The following SYT9 variants were observed in gnomAD, a reference collection of about 807,000 sequenced individuals.
SYT9 encodes synaptotagmin-9.
SYT9 carries 22 observed loss-of-function variants against 48.4 expected under a neutral mutation model. The ratio of observed to expected loss-of-function variants is 0.45; its 90% CI spans 0.32 to 0.65. The LOEUF (loss-of-function observed/expected upper bound fraction) is 0.65, where lower values mean the gene tolerates loss of function less well. Ranked by LOEUF, SYT9 falls within the 30% of genes least tolerant of loss-of-function variation. The probability of loss-of-function intolerance (pLI) is 0.03; values close to 1 mark genes in which losing one functional copy is unlikely to be tolerated. For synonymous variants in SYT9, 265 were observed against 245.0 expected (o/e 1.08, Z -0.76); for missense variants, 577 against 622.0 (o/e 0.93, Z 0.77).
intron 3 of SYT9, among the ~76,000 whole-genome samples, chr11:7,385,471 T>G (rs1850641117): frequency 1.3e-5 from 2 of 151,936 alleles, no homozygotes; most frequent in South Asian, 4.2e-4. Flanking sequence ...GGACAACATT[T>G]TAGGACAAAG....
intron 1 of SYT9, among the ~76,000 whole-genome samples, chr11:7,239,857 G>A (rs1847723203): frequency 6.6e-6 from 1 of 152,148 alleles, no homozygotes; most frequent in South Asian, 2.1e-4. Flanking sequence ...AAGAAATGTT[G>A]GGTAGAAACA....
At chr11:7,365,951 C>T (rs1378883035) in intron 3 of SYT9, among the ~76,000 whole-genome samples, 1 of 152,202 alleles carries the variant, frequency 6.6e-6, no homozygotes, top group East Asian at 1.9e-4. Context: ...TGATCTCTGA[C>T]CCCTGTTCTG....
At chr11:7,248,077 A>G (rs547793851), upstream of SYT9, among the ~76,000 whole-genome samples, 20 of 152,256 alleles carry the variant, frequency 1.3e-4, no homozygotes, top group African/African-American at 4.6e-4. Context: ...CCTGTTCATT[A>G]GTATGTTGAC....
intron 2 of SYT9, among the ~76,000 whole-genome samples, chr11:7,311,311 A>G (rs899735332): frequency 2.0e-5 from 3 of 152,236 alleles, no homozygotes; most frequent in Admixed American, 2.0e-4. Context: ...CTAAAAAACT[A>G]AAAAACAAAC....
chr11:7,288,463 C>T (rs935483215), intron 1 of SYT9, among the ~76,000 whole-genome samples: 3 of 152,140 alleles, frequency 2.0e-5, no homozygotes, highest in Admixed American at 1.3e-4. Context: ...ACTTCATGCC[C>T]TTTTGGGCCT....
At position 7,412,913 on chromosome 11, in the gene SYT9, A is replaced by G. The variant is rs1215046434; in HGVS notation, c.1045-3129A>G. Among the ~76,000 whole-genome samples, 4 of 152,314 alleles carry G rather than the reference A, an allele frequency of 2.6e-5. No individual in the cohort carries two copies. The East Asian group carries it at 7.7e-4, about 29-fold the overall frequency. ...CTGGGAAGAGTGCACATGTGCCAACAGTAGTGGACTAGGCTGGGTGATTTC... is the reference window on the plus strand; with the variant it reads ...CTGGGAAGAGTGCACATGTGCCAACGGTAGTGGACTAGGCTGGGTGATTTC... On this transcript the variant is annotated intron_variant, in intron 3 of 6. Transcript: ENST00000318881.
At chr11:7,402,186 A>T (rs770833276) in intron 3 of SYT9, among the ~76,000 whole-genome samples, 1 of 151,946 alleles carries the variant, frequency 6.6e-6, no homozygotes, top group Non-Finnish European at 1.5e-5. Flanking sequence ...TTCATTCTTG[A>T]CAAAAAATAT....
At chr11:7,243,391 G>C (rs1292577964) in intron 1 of SYT9, among the ~76,000 whole-genome samples, 1 of 152,182 alleles carries the variant, frequency 6.6e-6, no homozygotes, top group Non-Finnish European at 1.5e-5. Flanking sequence ...CACAGAGTAG[G>C]GCTGAGACAA....
At chr11:7,407,759 TC>T (rs1338366065) in intron 3 of SYT9, among the ~76,000 whole-genome samples, 1 of 152,226 alleles carries the variant, frequency 6.6e-6, no homozygotes, top group Non-Finnish European at 1.5e-5. Flanking sequence ...TGTATGTGGA[TC>T]TCCAATTTTC....
chr11:7,361,149 T>C (rs1447095743), intron 3 of SYT9, among the ~76,000 whole-genome samples: 1 of 152,120 alleles, frequency 6.6e-6, no homozygotes, highest in Non-Finnish European at 1.5e-5. Flanking sequence ...TTCTTTATTT[T>C]TTCTATTTCC....
chr11:7,261,574 T>C (rs1214421299), intron 1 of SYT9, among the ~76,000 whole-genome samples: 1 of 151,908 alleles, frequency 6.6e-6, no homozygotes, highest in Non-Finnish European at 1.5e-5. Flanking sequence ...TGTTAGATAG[T>C]AGTAAGTGCT....
intron 2 of SYT9, among the ~76,000 whole-genome samples, chr11:7,311,760 A>G (rs187235530): frequency 5.3e-5 from 8 of 152,350 alleles, no homozygotes; most frequent in Admixed American, 5.2e-4. Context: ...ACCTCTGCAT[A>G]TGGCAGGTTA....
chr11:7,275,109 G>A (rs573061247), intron 1 of SYT9, among the ~76,000 whole-genome samples: 1 of 152,110 alleles, frequency 6.6e-6, no homozygotes, highest in African/African-American at 2.4e-5. Context: ...CTAGCAGAGT[G>A]TGCAGGGCCT....
chr11:7,291,346 G>A (rs911518236), intron 1 of SYT9, among the ~76,000 whole-genome samples: 6 of 152,184 alleles, frequency 3.9e-5, no homozygotes, highest in African/African-American at 1.4e-4. Context: ...TCAGATGTTG[G>A]AAGAGAGTCT....
intron 1 of SYT9, among the ~76,000 whole-genome samples, chr11:7,278,922 A>T (rs1384371904): frequency 6.6e-6 from 1 of 152,226 alleles, no homozygotes; most frequent in Non-Finnish European, 1.5e-5. Context: ...TATTTTCAGG[A>T]GTGCTGATAC....
At chr11:7,465,111 T>G (rs540843023) in intron 6 of SYT9, among the ~76,000 whole-genome samples, 1 of 151,874 alleles carries the variant, frequency 6.6e-6, no homozygotes, top group African/African-American at 2.4e-5. Flanking sequence ...TAGAGCTATT[T>G]GGATGGTGCT....
intron 5 of SYT9, among the ~76,000 whole-genome samples, chr11:7,420,064 C>T (rs988267590): frequency 6.6e-6 from 1 of 152,212 alleles, no homozygotes; most frequent in African/African-American, 2.4e-5. Context: ...GCCTCCTTCA[C>T]TTACCTTAGT....
chr11:7,396,789 A>G lies in SYT9; in HGVS notation c.1045-19253A>G, dbSNP rs113434871. 9.8e-3 allele frequency among the ~76,000 whole-genome samples: 1,488 copies of G among 152,282 alleles called. 8 individuals are homozygous for G. The highest frequency in any genetic ancestry group is 0.024 in the Middle Eastern group (7 of 294). Reference sequence around the variant, plus strand: ...TAATTAGACTAGTGGTTGTGTAGCAATATCTCACTATGGTTCCATTTAATT... The same window carrying G: ...TAATTAGACTAGTGGTTGTGTAGCAGTATCTCACTATGGTTCCATTTAATT... On this transcript the variant is annotated intron_variant, in intron 3 of 6. Coordinates refer to ENST00000318881, the MANE Select transcript of SYT9 (RefSeq NM_175733.4).
intron 1 of SYT9, among the ~76,000 whole-genome samples, chr11:7,280,720 G>T (rs555946551): frequency 1.3e-5 from 2 of 152,000 alleles, no homozygotes; most frequent in South Asian, 4.1e-4. Flanking sequence ...ATCAATATCT[G>T]GTATTTCCAG....
Sources: gnomAD v4.1 joint callset for allele counts (sites outside exome capture counted in the v4.1 genomes callset) on GRCh38, gnomAD v4.1.1 for gene constraint, MANE v1.5 for transcripts, NCBI Gene and HGNC (gene_info 2026-07-23, HGNC 2026-07-21) for gene names.